Variants in FGF12 observed in about 807,000 individuals in gnomAD.
The protein encoded by FGF12 is fibroblast growth factor 12, also known as fibroblast growth factor 12B.
A neutral mutation model predicts 23.6 loss-of-function variants in FGF12; 14 were observed. The ratio of observed to expected loss-of-function variants is 0.59; its 90% CI spans 0.39 to 0.93. The LOEUF (loss-of-function observed/expected upper bound fraction) is 0.93. FGF12 is among the 40% of genes least tolerant of loss of function. FGF12 has a pLI of 0.00. For synonymous variants in FGF12, 62 were observed against 77.3 expected (o/e 0.80, Z 1.04); for missense variants, 175 against 217.8 (o/e 0.80, Z 1.24).
At chr3:192,530,265 G>A (rs1422544629) in intron 2 of FGF12, among the ~76,000 whole-genome samples, 1 of 152,138 alleles carries the variant, frequency 6.6e-6, no homozygotes, top group Non-Finnish European at 1.5e-5. Context: ...TACTGGATGA[G>A]ACGACTGCTC....
chr3:192,722,749 T>C (rs1719078968), intron 2 of FGF12, among the ~76,000 whole-genome samples: 1 of 152,200 alleles, frequency 6.6e-6, no homozygotes, highest in African/African-American at 2.4e-5. Flanking sequence ...CTACCTGAGA[T>C]AGACACTTAG....
chr3:192,432,893 A>T (rs1307892891), intron 2 of FGF12, among the ~76,000 whole-genome samples: 2 of 152,128 alleles, frequency 1.3e-5, no homozygotes, highest in African/African-American at 4.8e-5. Flanking sequence ...GTTATGCAGC[A>T]TGAGAGAACT....
intron 4 of FGF12, among the ~76,000 whole-genome samples, chr3:192,187,897 G>A (rs947130882): frequency 6.6e-6 from 1 of 152,154 alleles, no homozygotes; most frequent in Admixed American, 6.6e-5. Flanking sequence ...GACATGGGGG[G>A]TCAACTGTGG....
At chr3:192,287,232 T>A (rs961581842) in intron 4 of FGF12, among the ~76,000 whole-genome samples, 1 of 152,076 alleles carries the variant, frequency 6.6e-6, no homozygotes, top group African/African-American at 2.4e-5. Flanking sequence ...ATTCCCTTAG[T>A]GTTACTTCCT....
intron 4 of FGF12, among the ~76,000 whole-genome samples, chr3:192,234,521 C>A (rs1022841271): frequency 4.6e-5 from 7 of 152,070 alleles, no homozygotes; most frequent in Non-Finnish European, 1.0e-4. Context: ...ATTTGGATAC[C>A]TTTTATTTAT....
intron 3 of FGF12, among the ~76,000 whole-genome samples, chr3:192,350,171 C>T (rs1418682418): frequency 6.6e-6 from 1 of 151,948 alleles, no homozygotes; most frequent in African/African-American, 2.4e-5. Context: ...AAAAAGAAGT[C>T]AGCCAGTCAT....
chr3:192,432,394 C>T (rs1576977473), intron 2 of FGF12, among the ~76,000 whole-genome samples: 1 of 152,174 alleles, frequency 6.6e-6, no homozygotes, highest in South Asian at 2.1e-4. Flanking sequence ...TTCTCGTCCC[C>T]TAAAATGCAT....
intron 3 of FGF12, among the ~76,000 whole-genome samples, chr3:192,341,933 A>C (rs1192760134): frequency 1.0e-5 from 1 of 97,906 alleles, no homozygotes; most frequent in Non-Finnish European, 2.4e-5. Flanking sequence ...CACTTGTAAA[A>C]ACCTGACTTA....
At chr3:192,660,487 G>A (rs1302907074) in intron 2 of FGF12, among the ~76,000 whole-genome samples, 1 of 149,950 alleles carries the variant, frequency 6.7e-6, no homozygotes, top group African/African-American at 2.5e-5. Context: ...TTGTGCACAT[G>A]TACCCTAGAA....
In FGF12 at chr3:192,632,152, C is replaced by T. The variant is rs147900362; in HGVS notation, c.13+95029G>A. Among the ~76,000 whole-genome samples the T allele has an allele frequency of 7.2e-5, 11 of 152,282 alleles. No homozygotes were observed. The East Asian group carries it at 1.7e-3, about 24-fold the overall frequency. ...TACACTTACGATGTGGTACATGGAG[C>T]TCCTTCCCCCCATCTAATCCAAGGC... On this transcript the variant is annotated intron_variant, in intron 2 of 5. Coordinates refer to ENST00000445105, the MANE Select transcript of FGF12 (RefSeq NM_004113.6).
chr3:192,378,876 C>A (rs1403501401), intron 2 of FGF12, among the ~76,000 whole-genome samples: 1 of 151,976 alleles, frequency 6.6e-6, no homozygotes, highest in Non-Finnish European at 1.5e-5. Flanking sequence ...GCCTAGTACC[C>A]AATAGTTATT....
At chr3:192,273,780 T>A (rs1312072615) in intron 4 of FGF12, among the ~76,000 whole-genome samples, 1 of 152,156 alleles carries the variant, frequency 6.6e-6, no homozygotes, top group African/African-American at 2.4e-5. Context: ...ATAGGAGGAT[T>A]CAATTTGTGT....
intron 2 of FGF12, among the ~76,000 whole-genome samples, chr3:192,465,182 A>G (rs966297847): frequency 3.3e-5 from 5 of 152,218 alleles, no homozygotes; most frequent in Admixed American, 1.3e-4. Context: ...TTCTTAAGTT[A>G]AATGCAAATT....
chr3:192,337,414 G>C (rs148309385), intron 3 of FGF12, among the ~76,000 whole-genome samples: 276 of 152,242 alleles, frequency 1.8e-3, no homozygotes, highest in Non-Finnish European at 3.1e-3. Flanking sequence ...GGGACTGGCA[G>C]ATTGGTGGAT....
intron 2 of FGF12, among the ~76,000 whole-genome samples, chr3:192,692,558 A>G (rs1053549052): frequency 6.6e-6 from 1 of 151,920 alleles, no homozygotes; most frequent in African/African-American, 2.4e-5. Context: ...TACAAAAATT[A>G]GCCAGGTGTG....
intron 2 of FGF12, among the ~76,000 whole-genome samples, chr3:192,685,420 A>G (rs1160613649): frequency 6.6e-6 from 1 of 152,222 alleles, no homozygotes; most frequent in African/African-American, 2.4e-5. Flanking sequence ...ATAAAATTAT[A>G]CTCAACAAGC....
chr3:192,404,921 G>A lies in FGF12; in HGVS notation c.14-44383C>T, dbSNP rs560032696. Among the ~76,000 whole-genome samples the A allele has an allele frequency of 3.9e-5, 6 of 152,126 alleles. No homozygotes were observed. The East Asian group carries it at 7.7e-4, about 20-fold the overall frequency. On this transcript the variant is annotated intron_variant, in intron 2 of 5. Coordinates refer to ENST00000445105, the MANE Select transcript of FGF12 (RefSeq NM_004113.6). The stretch of plus-strand genomic sequence containing the variant: ...ATCTCTGTTCTAATTATAAAATAAC[G>A]ATCACAATGATAATAATAATACCAA...
intron 4 of FGF12, among the ~76,000 whole-genome samples, chr3:192,280,133 G>A (rs1013376740): frequency 6.6e-6 from 1 of 152,024 alleles, no homozygotes; most frequent in Non-Finnish European, 1.5e-5. Context: ...GAGTGTGATG[G>A]GGTTATACAT....
At chr3:192,689,867 T>TA (rs1717886723) in intron 2 of FGF12, among the ~76,000 whole-genome samples, 1 of 149,590 alleles carries the variant, frequency 6.7e-6, no homozygotes. Flanking sequence ...TACATTACAA[T>TA]AAAAAATTAA....
Sources: gnomAD v4.1 joint callset for allele counts (sites outside exome capture counted in the v4.1 genomes callset) on GRCh38, gnomAD v4.1.1 for gene constraint, MANE v1.5 for transcripts, NCBI Gene and HGNC (gene_info 2026-07-23, HGNC 2026-07-21) for gene names.